Variants in GRIK2 observed in about 807,000 individuals in gnomAD.
GRIK2 encodes glutamate receptor ionotropic, kainate 2.
Under a neutral mutation model 100.3 loss-of-function variants are expected in GRIK2, and 32 were observed. The ratio of observed to expected loss-of-function variants is 0.32; its 90% CI spans 0.24 to 0.43. The LOEUF (loss-of-function observed/expected upper bound fraction) is 0.43, where lower values mean the gene tolerates loss of function less well. GRIK2 is among the 20% of genes least tolerant of loss of function. GRIK2 has a pLI of 1.00. For synonymous variants in GRIK2, 417 were observed against 389.4 expected, an observed-to-expected ratio of 1.07 and a Z score of -0.83; for missense variants, 843 against 1,114.9, an observed-to-expected ratio of 0.76 and a Z score of 3.47.
chr6:101,905,184 T>C (rs1277145698), intron 12 of GRIK2, among the ~76,000 whole-genome samples: 1 of 151,544 alleles, frequency 6.6e-6, no homozygotes, highest in East Asian at 1.9e-4. Flanking sequence ...AACTAGCAAT[T>C]TTTATCTTCA....
At chr6:101,900,617 G>A (rs1032664119) in intron 12 of GRIK2, among the ~76,000 whole-genome samples, 2 of 149,914 alleles carry the variant, frequency 1.3e-5, no homozygotes, top group African/African-American at 4.9e-5. Flanking sequence ...TGATACAATA[G>A]AGTGTCTATT....
chr6:101,949,882 A>G (rs151301614), intron 14 of GRIK2, among the ~76,000 whole-genome samples: 2,638 of 152,180 alleles, frequency 0.017, 98 homozygotes, highest in African/African-American at 0.061. Context: ...TAGTAATGGG[A>G]TTGCTGGGCC....
chr6:101,539,585 C>A (rs1183404161), intron 2 of GRIK2, among the ~76,000 whole-genome samples: 1 of 151,082 alleles, frequency 6.6e-6, no homozygotes, highest in Non-Finnish European at 1.5e-5. Flanking sequence ...AAGTAACAGA[C>A]AATCTACATT....
chr6:101,780,166 C>A, intron 7 of GRIK2, among the ~76,000 whole-genome samples: 1 of 149,368 alleles, frequency 6.7e-6, no homozygotes, highest in Non-Finnish European at 1.5e-5. Context: ...ACTACAATAA[C>A]TTTTATTGGA....
chr6:101,664,807 A>G (rs1769890771), intron 4 of GRIK2, among the ~76,000 whole-genome samples: 1 of 152,192 alleles, frequency 6.6e-6, no homozygotes, highest in Admixed American at 6.6e-5. Context: ...ATCATGGTAG[A>G]AGGTTAAGGA....
At chr6:101,910,839 C>CACACACA (rs1554284826) in intron 12 of GRIK2, among the ~76,000 whole-genome samples, 48 of 143,366 alleles carry the variant, frequency 3.3e-4, no homozygotes, top group African/African-American at 1.2e-3. Context: ...CCAACATACA[C>CACACACA]CACACACACA....
intron 2 of GRIK2, among the ~76,000 whole-genome samples, chr6:101,565,550 T>A (rs1777215010): frequency 6.6e-6 from 1 of 152,110 alleles, no homozygotes; most frequent in African/African-American, 2.4e-5. Context: ...TTTTTTAGTG[T>A]GCAAATTATT....
At chr6:101,536,988 G>A (rs553258735) in intron 2 of GRIK2, among the ~76,000 whole-genome samples, 3 of 144,906 alleles carry the variant, frequency 2.1e-5, no homozygotes, top group South Asian at 2.3e-4. Flanking sequence ...GTGGTATGGT[G>A]TTGGTTTCTT....
At chr6:102,057,339 C>T (rs1178999110) in intron 16 of GRIK2, among the ~76,000 whole-genome samples, 1 of 151,730 alleles carries the variant, frequency 6.6e-6, no homozygotes, top group East Asian at 1.9e-4. Flanking sequence ...TTAGCTAGGC[C>T]GTATCTTTAG....
chr6:101,868,126 C>T (rs1785168163), intron 11 of GRIK2, among the ~76,000 whole-genome samples: 1 of 149,558 alleles, frequency 6.7e-6, no homozygotes, highest in South Asian at 2.1e-4. Flanking sequence ...AATTTTGCCC[C>T]TACAAACTGG....
At chr6:101,617,563 G>T (rs1779950648) in intron 2 of GRIK2, among the ~76,000 whole-genome samples, 1 of 151,702 alleles carries the variant, frequency 6.6e-6, no homozygotes, top group African/African-American at 2.4e-5. Flanking sequence ...ATTTTCAGTG[G>T]TAGAAGATTC....
chr6:101,556,038 G>A (rs1452428354), intron 2 of GRIK2, among the ~76,000 whole-genome samples: 2 of 152,000 alleles, frequency 1.3e-5, no homozygotes, highest in Non-Finnish European at 2.9e-5. Context: ...TTAACATTTT[G>A]TCAGTAGGCT....
At chr6:101,500,365 AT>A (rs1031910567) in intron 2 of GRIK2, among the ~76,000 whole-genome samples, 3 of 152,014 alleles carry the variant, frequency 2.0e-5, no homozygotes, top group Admixed American at 6.6e-5. Flanking sequence ...TGAATAAGAT[AT>A]TTTTTTAAAT....
chr6:101,505,719 T>C (rs1773987249), intron 2 of GRIK2, among the ~76,000 whole-genome samples: 2 of 150,848 alleles, frequency 1.3e-5, no homozygotes, highest in Admixed American at 6.6e-5. Context: ...TGATAGAACC[T>C]TGAAGAATAT....
chr6:101,417,520 G>A (rs773239632), intron 2 of GRIK2, among the ~76,000 whole-genome samples: 3 of 152,128 alleles, frequency 2.0e-5, no homozygotes, highest in Non-Finnish European at 4.4e-5. Context: ...AATCAGATTT[G>A]TCTTTAACAC....
chr6:101,627,121 G>C (rs1392729641), intron 4 of GRIK2, among the ~76,000 whole-genome samples: 1 of 110,716 alleles, frequency 9.0e-6, no homozygotes, highest in East Asian at 2.3e-4. Context: ...GTGTCTCTGT[G>C]TGTGTGTGTG....
At chr6:101,670,839 T>G (rs540685844) in intron 4 of GRIK2, among the ~76,000 whole-genome samples, 1 of 152,308 alleles carries the variant, frequency 6.6e-6, no homozygotes, top group African/African-American at 2.4e-5. Context: ...TATGCCAGTT[T>G]ATTTTTCAGA....
chr6:101,727,338 T>C (rs1774942072), intron 7 of GRIK2, among the ~76,000 whole-genome samples: 1 of 152,114 alleles, frequency 6.6e-6, no homozygotes, highest in Admixed American at 6.6e-5. Context: ...CAAGTAGTAC[T>C]GTCCCCAGTA....
intron 7 of GRIK2, among the ~76,000 whole-genome samples, chr6:101,774,449 G>T (rs1778611760): frequency 6.6e-6 from 1 of 152,158 alleles, no homozygotes; most frequent in African/African-American, 2.4e-5. Context: ...AAGCGGACAA[G>T]ATTTAACAGG....
Sources: gnomAD v4.1 joint callset for allele counts (sites outside exome capture counted in the v4.1 genomes callset) on GRCh38, gnomAD v4.1.1 for gene constraint, MANE v1.5 for transcripts, NCBI Gene and HGNC (gene_info 2026-07-23, HGNC 2026-07-21) for gene names.